CTTNBP2: variants seen among roughly 807,000 people sequenced by gnomAD.
CTTNBP2 encodes cortactin-binding protein 2.
In CTTNBP2, 108 loss-of-function variants were observed where a neutral mutation model predicts 156.9. The observed-to-expected ratio is 0.69, with a 90% CI of 0.59 to 0.81. The LOEUF (loss-of-function observed/expected upper bound fraction) is 0.81. CTTNBP2 is among the 30% of genes least tolerant of loss of function. The pLI, the probability that CTTNBP2 is intolerant of heterozygous loss-of-function variation, is 0.00. For synonymous variants in CTTNBP2, 767 were observed against 751.8 expected (o/e 1.02, Z -0.33); for missense variants, 1,924 against 2,035.4 (o/e 0.95, Z 1.05).
chr7:117,721,217 G>C, intron 19 of CTTNBP2, 87 bp from the exon 20 acceptor site: 2 of 837,546 alleles, frequency 2.4e-6, no homozygotes, highest in South Asian at 2.8e-5. Flanking sequence ...TGTGGACTTT[G>C]CAGTACTTTC....
chr7:117,711,673 T>C lies in CTTNBP2; in HGVS notation c.4856A>G (p.Lys1619Arg). 1 of 1,614,074 alleles carries C rather than the reference T, an allele frequency of 6.2e-7. No homozygotes were observed. Among genetic ancestry groups the C allele is most frequent in the Non-Finnish European group, 8.5e-7 (1 of 1,179,944 alleles). Residue 1619 changes from lysine (K) to arginine (R), a missense_variant, in exon 23 of 23, where the codon AAA becomes AGA. Transcript: ENST00000160373. ...VKSFLPVPRS[K>R]VTQCSQNTKR... ...GGTGTTCTGGGAACACTGGGTGACTTTACTTCTAGGAACAGGAAGAAAAGA... is the reference window on the plus strand; with the variant it reads ...GGTGTTCTGGGAACACTGGGTGACTCTACTTCTAGGAACAGGAAGAAAAGA...
chr7:117,872,904 G>C (rs906922966), intron 1 of CTTNBP2, among the ~76,000 whole-genome samples: 29 of 152,160 alleles, frequency 1.9e-4, no homozygotes, highest in Non-Finnish European at 1.3e-4. Flanking sequence ...CCGCTGAGCG[G>C]TACCAGGCAC....
intron 6 of CTTNBP2, among the ~76,000 whole-genome samples, chr7:117,781,477 A>G (rs1798430178): frequency 6.6e-6 from 1 of 152,188 alleles, no homozygotes; most frequent in African/African-American, 2.4e-5. Flanking sequence ...ACGGTGGCTC[A>G]CACATGTAAT....
intron 1 of CTTNBP2, among the ~76,000 whole-genome samples, chr7:117,871,033 A>G (rs1433767014): frequency 6.6e-6 from 1 of 152,272 alleles, no homozygotes; most frequent in African/African-American, 2.4e-5. Context: ...ACTGCTTTAG[A>G]GCTTCCATTG....
chr7:117,852,569 ATAAT>A (rs1263705841), intron 2 of CTTNBP2, among the ~76,000 whole-genome samples: 1 of 152,212 alleles, frequency 6.6e-6, no homozygotes, highest in African/African-American at 2.4e-5. Context: ...AGCTTTTGGT[ATAAT>A]TAATAAGAAG....
intron 1 of CTTNBP2, among the ~76,000 whole-genome samples, chr7:117,870,345 T>C (rs1265708897): frequency 1.3e-5 from 2 of 152,254 alleles, no homozygotes; most frequent in Non-Finnish European, 2.9e-5. Flanking sequence ...GTAACTATAA[T>C]TTAGTTTAAA....
chr7:117,873,274 C>G, intron 1 of CTTNBP2, 61 bp downstream of exon 1: 1 of 1,244,040 alleles, frequency 8.0e-7, no homozygotes. Context: ...GGCTGGGACC[C>G]CGGCGCCGCC....
chr7:117,815,312 C>T (rs1314967431), intron 2 of CTTNBP2, among the ~76,000 whole-genome samples: 1 of 151,992 alleles, frequency 6.6e-6, no homozygotes, highest in African/African-American at 2.4e-5. Flanking sequence ...AGACAAGATG[C>T]TATAATATGA....
chr7:117,787,293 A>T (rs928275841), intron 4 of CTTNBP2, among the ~76,000 whole-genome samples: 1 of 152,210 alleles, frequency 6.6e-6, no homozygotes, highest in Non-Finnish European at 1.5e-5. Context: ...TCATACGCAA[A>T]CATTAGTAAG....
intron 3 of CTTNBP2, among the ~76,000 whole-genome samples, chr7:117,800,045 T>C (rs930264896): frequency 1.6e-4 from 24 of 152,090 alleles, no homozygotes; most frequent in Non-Finnish European, 1.2e-4. Flanking sequence ...GTTGGAAGAC[T>C]CTACTTTACT....
intron 7 of CTTNBP2, among the ~76,000 whole-genome samples, chr7:117,778,178 C>G (rs955654337): frequency 6.6e-6 from 1 of 151,990 alleles, no homozygotes; most frequent in Non-Finnish European, 1.5e-5. Context: ...CAGTTATAAG[C>G]CAGTTTTACT....
chr7:117,756,258 AT>A (rs1161440564), intron 12 of CTTNBP2, among the ~76,000 whole-genome samples: 1 of 152,094 alleles, frequency 6.6e-6, no homozygotes, highest in East Asian at 1.9e-4. Context: ...ATTGATCATC[AT>A]TTACTTGACA....
At chr7:117,832,892 A>ACCTG (rs1186757975) in intron 2 of CTTNBP2, among the ~76,000 whole-genome samples, 1 of 148,634 alleles carries the variant, frequency 6.7e-6, no homozygotes, top group African/African-American at 2.5e-5. Context: ...GATTACAGGC[A>ACCTG]CCTGCCACCA....
At chr7:117,755,941 A>G (rs6978213) in intron 12 of CTTNBP2, among the ~76,000 whole-genome samples, 68,088 of 152,042 alleles carry the variant, frequency 0.45, 19,843 homozygotes, top group African/African-American at 0.82. Flanking sequence ...CTAGGAAGTG[A>G]GAGTGGGAGT....
At chr7:117,844,858 G>A (rs977185955) in intron 2 of CTTNBP2, among the ~76,000 whole-genome samples, 1 of 152,124 alleles carries the variant, frequency 6.6e-6, no homozygotes, top group Admixed American at 6.5e-5. Context: ...CTTTCTGATT[G>A]CTTCAATGTT....
At chr7:117,778,612 C>T (rs1798238737) in intron 7 of CTTNBP2, among the ~76,000 whole-genome samples, 1 of 152,128 alleles carries the variant, frequency 6.6e-6, no homozygotes, top group East Asian at 1.9e-4. Flanking sequence ...GGGGATGGGG[C>T]TACCAATCTG....
At chr7:117,756,040 C>T (rs1796866596) in intron 12 of CTTNBP2, among the ~76,000 whole-genome samples, 1 of 152,150 alleles carries the variant, frequency 6.6e-6, no homozygotes. Flanking sequence ...GGGAGGTCAC[C>T]CTGCCACTTC....
chr7:117,819,842 A>G (rs1004856383), intron 2 of CTTNBP2, among the ~76,000 whole-genome samples: 4 of 152,218 alleles, frequency 2.6e-5, no homozygotes, highest in African/African-American at 9.6e-5. Flanking sequence ...AGGAATATAC[A>G]TAATGCATAT....
chr7:117,822,087 G>A (rs1304914946), intron 2 of CTTNBP2, among the ~76,000 whole-genome samples: 1 of 152,046 alleles, frequency 6.6e-6, no homozygotes, highest in African/African-American at 2.4e-5. Flanking sequence ...ATAGAATCAA[G>A]GCTATTTGGA....
Sources: allele counts gnomAD v4.1 joint callset (sites outside exome capture counted in the v4.1 genomes callset), GRCh38; gene constraint gnomAD v4.1.1; transcripts MANE v1.5; gene names NCBI Gene and HGNC (gene_info 2026-07-23, HGNC 2026-07-21).